EPHA6: variants seen among roughly 807,000 people sequenced by gnomAD.
EPHA6 encodes the protein ephrin type-A receptor 6.
In EPHA6, 50 loss-of-function variants were observed where a neutral mutation model predicts 112.0. The ratio of observed to expected loss-of-function variants is 0.45; its 90% confidence interval spans 0.36 to 0.56. The LOEUF (loss-of-function observed/expected upper bound fraction) is 0.56, where lower values mean the gene tolerates loss of function less well. EPHA6 is among the 20% of genes least tolerant of loss of function. EPHA6 has a pLI of 0.00. For missense variants in EPHA6, 1,280 were observed against 1,417.4 expected, an observed-to-expected ratio of 0.90 and a Z score of 1.56; for synonymous variants, 529 against 490.7, an observed-to-expected ratio of 1.08 and a Z score of -1.03.
intron 2 of EPHA6, among the ~76,000 whole-genome samples, chr3:96,875,895 TCTTTA>T (rs2036915043): frequency 6.6e-6 from 1 of 151,718 alleles, no homozygotes; most frequent in Non-Finnish European, 1.5e-5. Flanking sequence ...TTAACTTCAG[TCTTTA>T]CTTCCAAGAG....
chr3:97,550,027 A>G (rs2093008497), intron 11 of EPHA6, among the ~76,000 whole-genome samples: 1 of 152,138 alleles, frequency 6.6e-6, no homozygotes, highest in African/African-American at 2.4e-5. Context: ...TGTGAAGGAA[A>G]ATTATTTGCC....
intron 3 of EPHA6, among the ~76,000 whole-genome samples, chr3:97,068,938 T>G (rs1454946434): frequency 1.3e-5 from 2 of 152,136 alleles, no homozygotes; most frequent in Non-Finnish European, 2.9e-5. Context: ...TTCTGTTGTT[T>G]ATAAGCCACC....
At position 97,443,957 on chromosome 3, in the gene EPHA6, G is replaced by T. The variant is rs115026449; in HGVS notation, c.1732-4611G>T. Reference sequence around the variant, plus strand: ...GGTGTAGTGGAAAAAGCACAACTTCGATGGAAGCCACTGACAAGTTGTGTG... The same window carrying T: ...GGTGTAGTGGAAAAAGCACAACTTCTATGGAAGCCACTGACAAGTTGTGTG... On this transcript the variant is annotated intron_variant, in intron 6 of 17. Transcript: ENST00000389672. 3.7e-3 allele frequency among the ~76,000 whole-genome samples: 558 copies of T among 152,178 alleles called. 2 individuals are homozygous for T. Among genetic ancestry groups the T allele is most frequent in the African/African-American group, 0.013 (521 of 41,540 alleles).
chr3:97,658,572 G>T (rs751687435), intron 14 of EPHA6, among the ~76,000 whole-genome samples: 1 of 151,830 alleles, frequency 6.6e-6, no homozygotes, highest in African/African-American at 2.4e-5. Flanking sequence ...AGTCAATGGG[G>T]TTTTAAGGCA....
rs1202045229 is a variant in EPHA6, at chr3:97,680,136, A to C, written c.2785-40125A>C. Among the ~76,000 whole-genome samples the C allele has an allele frequency of 2.6e-5, 4 of 152,090 alleles. No homozygotes were observed. In the East Asian group the frequency reaches 5.8e-4, roughly 22 times the overall value. ...TTGACTTTGATTTCCCTTTCCTTCT[A>C]TCCTGCTCAGATCTGCAAACAACTC... is the stretch of plus-strand genomic sequence containing the variant. On this transcript the variant is annotated intron_variant, in intron 14 of 17. Coordinates refer to ENST00000389672, the MANE Select transcript of EPHA6 (RefSeq NM_001080448.3).
chr3:97,255,618 C>T (rs916083515), intron 5 of EPHA6, among the ~76,000 whole-genome samples: 2 of 152,106 alleles, frequency 1.3e-5, no homozygotes, highest in East Asian at 3.9e-4. Context: ...TAAGCTGAAC[C>T]TAATGCAGAC....
intron 2 of EPHA6, among the ~76,000 whole-genome samples, chr3:96,914,819 G>A (rs1284097774): frequency 6.6e-6 from 1 of 151,864 alleles, no homozygotes; most frequent in Non-Finnish European, 1.5e-5. Flanking sequence ...TTAAAAGTGT[G>A]TTGAAGAAAA....
intron 5 of EPHA6, among the ~76,000 whole-genome samples, chr3:97,404,808 A>G (rs1482452531): frequency 6.6e-6 from 1 of 152,172 alleles, no homozygotes; most frequent in Non-Finnish European, 1.5e-5. Flanking sequence ...TATTTGATAA[A>G]ACATACGAGC....
intron 3 of EPHA6, among the ~76,000 whole-genome samples, chr3:97,104,683 G>A (rs1047130342): frequency 1.3e-5 from 2 of 151,520 alleles, no homozygotes; most frequent in South Asian, 2.1e-4. Context: ...AAATCCTTCC[G>A]CCTCAATTTT....
intron 3 of EPHA6, among the ~76,000 whole-genome samples, chr3:97,144,669 CTTAAAA>C (rs2075995530): frequency 1.3e-5 from 2 of 151,338 alleles, no homozygotes; most frequent in African/African-American, 4.8e-5. Flanking sequence ...GTGATTTTAT[CTTAAAA>C]TTAATAATCT....
chr3:97,420,734 C>T (rs564002777), intron 6 of EPHA6, among the ~76,000 whole-genome samples: 1 of 151,386 alleles, frequency 6.6e-6, no homozygotes, highest in East Asian at 2.0e-4. Context: ...TGAACGAGGG[C>T]AGTAGGAGAA....
At chr3:97,277,334 A>C (rs1162463458) in intron 5 of EPHA6, among the ~76,000 whole-genome samples, 1 of 152,130 alleles carries the variant, frequency 6.6e-6, no homozygotes, top group Non-Finnish European at 1.5e-5. Context: ...GGTGGGGGTC[A>C]CAAGGTGCTC....
chr3:97,312,021 T>A (rs1576919307), intron 5 of EPHA6, among the ~76,000 whole-genome samples: 2 of 151,768 alleles, frequency 1.3e-5, no homozygotes, highest in East Asian at 3.9e-4. Flanking sequence ...GTATATTTAA[T>A]GTTGAGATCT....
rs1368501775 is a variant in EPHA6 at position 97,048,839 on chromosome 3, A to G, written c.1114+60846A>G. Among the ~76,000 whole-genome samples, 3 of 152,178 alleles carry G rather than the reference A, an allele frequency of 2.0e-5. No homozygotes were observed. In the East Asian group the frequency reaches 5.8e-4, roughly 29 times the overall value. On this transcript the variant is annotated intron_variant, in intron 3 of 17. Coordinates refer to ENST00000389672, the MANE Select transcript of EPHA6 (RefSeq NM_001080448.3). ...ACAACTTATAATACATTAAAAAACA[A>G]ATGCTGCAGAAAAACGTGAAGCAAT...
Position 97,456,534 on chromosome 3 carries a change from A to G in EPHA6, c.1894+7804A>G, listed in dbSNP as rs571076440. 1.8e-3 allele frequency among the ~76,000 whole-genome samples: 274 copies of G among 152,306 alleles called. 1 individual carries two copies. The Middle Eastern group carries it at 0.02, about 11-fold the overall frequency. ...AATAAATACACAATACTCAGTATTT[A>G]TAAATACTCAATATTGCTTCAAACA... On this transcript the variant is annotated intron_variant, in intron 7 of 17. Coordinates refer to ENST00000389672, the MANE Select transcript of EPHA6 (RefSeq NM_001080448.3).
At chr3:97,148,505 A>G (rs1315720458) in intron 3 of EPHA6, among the ~76,000 whole-genome samples, 1 of 152,080 alleles carries the variant, frequency 6.6e-6, no homozygotes, top group African/African-American at 2.4e-5. Flanking sequence ...ATTTGAGGGA[A>G]AGTTAGAATA....
intron 7 of EPHA6, among the ~76,000 whole-genome samples, chr3:97,456,211 A>G (rs760018251): frequency 9.2e-5 from 14 of 152,118 alleles, no homozygotes; most frequent in Non-Finnish European, 1.8e-4. Context: ...CCTTGACTGG[A>G]AGTTTTTACA....
At chr3:97,438,252 T>A (rs192134139) in intron 6 of EPHA6, among the ~76,000 whole-genome samples, 5 of 152,166 alleles carry the variant, frequency 3.3e-5, no homozygotes, top group Admixed American at 1.3e-4. Flanking sequence ...TGAATAAATA[T>A]CAAGAATATG....
chr3:97,715,585 A>G (rs553958966), intron 14 of EPHA6, among the ~76,000 whole-genome samples: 1 of 152,312 alleles, frequency 6.6e-6, no homozygotes, highest in South Asian at 2.1e-4. Context: ...GAGACATTTT[A>G]AGTGTTCTTG....
Sources: gnomAD v4.1 joint callset for allele counts (sites outside exome capture counted in the v4.1 genomes callset) on GRCh38, gnomAD v4.1.1 for gene constraint, MANE v1.5 for transcripts, NCBI Gene and HGNC (gene_info 2026-07-23, HGNC 2026-07-21) for gene names.